The following PXDN variants were observed in gnomAD, a reference collection of about 807,000 sequenced individuals.
PXDN encodes the protein peroxidasin homolog.
In PXDN, 77 loss-of-function variants were observed where a neutral mutation model predicts 140.3. The ratio of observed to expected loss-of-function variants is 0.55; its 90% CI spans 0.46 to 0.66. The LOEUF is 0.66. Ranked by LOEUF, PXDN falls within the 30% of genes least tolerant of loss-of-function variation. PXDN has a pLI of 0.00. For missense variants in PXDN, 1,838 were observed against 2,039.5 expected, an observed-to-expected ratio of 0.90 and a Z score of 1.90; for synonymous variants, 911 against 857.4, an observed-to-expected ratio of 1.06 and a Z score of -1.09.
Position 1,685,509 on chromosome 2 carries a change from C to T in PXDN, c.417-1358G>A, listed in dbSNP as rs1465251557. 3.9e-5 allele frequency among the ~76,000 whole-genome samples: 6 copies of T among 152,084 alleles called. No individual in the cohort carries two copies. The highest frequency in any genetic ancestry group is 1.3e-4 in the Admixed American group (2 of 15,274). On this transcript the variant is annotated intron_variant, in intron 4 of 22. Transcript: ENST00000252804. This position sits in a 1 kb window ranked among gnomAD's most constrained non-coding sequence, Gnocchi z 5.1. ...TGGGGACCGATGTAAGACCCAGGCA[C>T]CACCACGGCACAGTGGCTGTGAGCT...
rs950623111 is a variant in PXDN at position 1,685,346 on chromosome 2, C to T, written c.417-1195G>A. 1.3e-4 allele frequency among the ~76,000 whole-genome samples: 20 copies of T among 152,222 alleles called. No homozygotes were observed. Among genetic ancestry groups the T allele is most frequent in the African/African-American group, 4.6e-4 (19 of 41,462 alleles). Reference sequence around the variant, plus strand: ...GGAAAACCGCCGTGGGCGAGCATGACGGGCGGGCACCTGACGCGCGGGTCC... The same window carrying T: ...GGAAAACCGCCGTGGGCGAGCATGATGGGCGGGCACCTGACGCGCGGGTCC... On this transcript the variant is annotated intron_variant, in intron 4 of 22. Transcript: ENST00000252804. The surrounding 1 kb of genome is among the most constrained non-coding windows in gnomAD (Gnocchi z 5.1).
At position 1,677,035 on chromosome 2, in the gene PXDN, C is replaced by T; in HGVS notation, c.740G>A (p.Arg247Gln). The T allele has an allele frequency of 1.3e-6, 2 of 1,598,952 alleles. No individual in the cohort carries two copies. Among genetic ancestry groups the T allele is most frequent in the Non-Finnish European group, 1.7e-6 (2 of 1,170,122 alleles). ...TPEELNCERP[R>Q]ITSEPQDADV... ...TGCGTCCTGGGGCTCGGAGGTGATC[C>T]GGGGCCTTTCTGTGCCCAACCAGAA... is the stretch of plus-strand genomic sequence containing the variant. Residue 247 changes from arginine to glutamine, a missense_variant, in exon 8 of 23, where the codon CGG becomes CAG. Around this residue, in one of 5 missense-constraint regions of PXDN, gnomAD observed 208 missense variants for 325.8 expected, o/e 0.64. Transcript: ENST00000252804.
intron 3 of PXDN, among the ~76,000 whole-genome samples, chr2:1,688,351 G>A (rs1271745471): frequency 6.6e-6 from 1 of 152,206 alleles, no homozygotes; most frequent in South Asian, 2.1e-4. Context: ...CGCTCACTCC[G>A]CACCATCTGG....
intron 1 of PXDN, among the ~76,000 whole-genome samples, chr2:1,715,582 C>T (rs548204219): frequency 1.4e-4 from 21 of 152,336 alleles, no homozygotes; most frequent in Non-Finnish European, 2.5e-4. Context: ...TCGTCCCCAG[C>T]ATCCCAGAAG....
chr2:1,690,910 AG>A, intron 3 of PXDN, among the ~76,000 whole-genome samples: 1 of 152,222 alleles, frequency 6.6e-6, no homozygotes, highest in Non-Finnish European at 1.5e-5. Flanking sequence ...CAGATTTCAG[AG>A]TATACATCAA....
At chr2:1,653,349 C>A (rs1683056835) in intron 16 of PXDN, 1 of 447,760 alleles carries the variant, frequency 2.2e-6, no homozygotes, top group Admixed American at 3.2e-5. Context: ...CCCACCCTGG[C>A]CAGGATGGCA....
In PXDN at chr2:1,722,108, G is replaced by A. The variant is rs541333948; in HGVS notation, c.200+22148C>T. ...GAGTTAAGCGAGAAATAATGAACCCGAGAGGTGTTGACAATGGATGGGCTG... is the reference window on the plus strand; with the variant it reads ...GAGTTAAGCGAGAAATAATGAACCCAAGAGGTGTTGACAATGGATGGGCTG... On this transcript the variant is annotated intron_variant, in intron 1 of 22. Coordinates refer to ENST00000252804, the MANE Select transcript of PXDN (RefSeq NM_012293.3). 1.2e-4 allele frequency among the ~76,000 whole-genome samples: 18 copies of A among 152,322 alleles called. No individual in the cohort carries two copies. The East Asian group carries it at 1.3e-3, about 11-fold the overall frequency.
At chr2:1,646,760 G>A (rs1411716409) in intron 17 of PXDN, among the ~76,000 whole-genome samples, 1 of 152,086 alleles carries the variant, frequency 6.6e-6, no homozygotes, top group African/African-American at 2.4e-5. Context: ...AAGAAGAAAG[G>A]GTTTTTCTTC....
intron 9 of PXDN, among the ~76,000 whole-genome samples, chr2:1,671,648 C>T (rs574696104): frequency 3.3e-5 from 5 of 152,182 alleles, no homozygotes; most frequent in Non-Finnish European, 7.3e-5. Context: ...TTTTTATATG[C>T]TCCTAATCAC....
chr2:1,739,990 C>T (rs4853837), intron 1 of PXDN, among the ~76,000 whole-genome samples: 69,112 of 152,192 alleles, frequency 0.45, 16,569 homozygotes, highest in Admixed American at 0.6. Flanking sequence ...TCCCAGCAGA[C>T]GCATCTGCAC....
chr2:1,678,629 C>T (rs1275812343), intron 7 of PXDN, among the ~76,000 whole-genome samples: 2 of 152,214 alleles, frequency 1.3e-5, no homozygotes, highest in African/African-American at 4.8e-5. Flanking sequence ...TCAGCGAAAA[C>T]GACAGGGCCT....
chr2:1,651,513 T>C lies in PXDN; in HGVS notation c.2105-1838A>G, dbSNP rs80213909. Among the ~76,000 whole-genome samples the C allele has an allele frequency of 5.3e-5, 8 of 152,296 alleles. No individual in the cohort carries two copies. In the East Asian group the frequency reaches 1.2e-3, roughly 22 times the overall value. ...CATTTCATACACAGCCAACGACATATCCTTATATTCGCTCCCAGGCCCTTT... is the reference window on the plus strand; with the variant it reads ...CATTTCATACACAGCCAACGACATACCCTTATATTCGCTCCCAGGCCCTTT... On this transcript the variant is annotated intron_variant, in intron 16 of 22. Transcript: ENST00000252804. The surrounding 1 kb of genome is among the most constrained non-coding windows in gnomAD (Gnocchi z 4.4).
chr2:1,722,529 T>C (rs1685077257), intron 1 of PXDN, among the ~76,000 whole-genome samples: 1 of 152,252 alleles, frequency 6.6e-6, no homozygotes, highest in Non-Finnish European at 1.5e-5. Context: ...ATTTTCTCAA[T>C]AACCAGTTGA....
rs1683835921 is a variant in PXDN at position 1,679,818 on chromosome 2, AATGGTGTGTGTGTGG to A, written c.730+360_730+374del. Reference sequence around the variant, plus strand: ...GGTGTGTGTAAATGGTGTGTGTGTAAATGGTGTGTGTGTGGATGGTGTGTGTGTGTATGTGCGTGT... The same window carrying A: ...GGTGTGTGTAAATGGTGTGTGTGTAAATGGTGTGTGTGTGTATGTGCGTGT... On this transcript the variant is annotated intron_variant, in intron 7 of 22. Transcript: ENST00000252804. 3.4e-5 allele frequency among the ~76,000 whole-genome samples: 3 copies of A among 89,452 alleles called. No individual in the cohort carries two copies. The Admixed American group carries it at 3.7e-4, about 11-fold the overall frequency. 58.7% of individuals were successfully genotyped at this position (89,452 alleles called of 152,430 possible).
At chr2:1,723,581 G>GATGGATGGATTA (rs974222546) in intron 1 of PXDN, among the ~76,000 whole-genome samples, 3 of 152,146 alleles carry the variant, frequency 2.0e-5, no homozygotes, top group African/African-American at 7.2e-5. Context: ...TGAACGGATG[G>GATGGATGGATTA]ATGGATGGAT....
Position 1,634,191 on chromosome 2 carries a change from G to T in PXDN, c.*13C>A. On this transcript the variant is annotated 3_prime_UTR_variant, in exon 23 of 23. Transcript: ENST00000252804. ...TGGCACAGCAGACAAACTCTGAGGA[G>T]CCTCCCAGGAGCCTAGGGCTTTTCC... 6.4e-7 allele frequency: 1 copy of T among 1,561,886 alleles called. No homozygotes were observed. Among genetic ancestry groups the T allele is most frequent in the Non-Finnish European group, 8.7e-7 (1 of 1,152,428 alleles).
chr2:1,649,138 G>A lies in PXDN; in HGVS notation c.2642C>T (p.Ser881Phe). 1 of 1,612,672 alleles carries A rather than the reference G, an allele frequency of 6.2e-7. No individual in the cohort carries two copies. The highest frequency in any genetic ancestry group is 2.2e-5 in the East Asian group (1 of 44,828). The change falls in exon 17 of 23, where the codon TCC becomes TTC. Residue 881 changes from serine (S) to phenylalanine (F), a missense_variant. This residue lies in a region of PXDN where 850 missense variants were observed against 894.1 expected (regional missense o/e 0.95). Transcript: ENST00000252804. The surrounding 1 kb of genome is among the most constrained non-coding windows in gnomAD (Gnocchi z 7.1). ...CATGCCGCTGCCGCACACAGGGCTG[G>A]AGCGCACGAAGAACATGCAGCGGGC... The part of the protein sequence containing the change: ...SGARCMFFVR[S>F]SPVCGSGMTS...
Position 1,663,638 on chromosome 2 carries a change from T to C in PXDN, c.1534A>G (p.Lys512Glu). Residue 512 changes from lysine to glutamate, a missense_variant, in exon 12 of 23, where the codon AAG (lysine) becomes GAG (glutamate). Transcript: ENST00000252804. ...CQAVNIIGSQ[K>E]VVAHLTVQPR... ...TGCACAGTCAGGTGGGCCACGACCT[T>C]CTGGGAGCCGATGATGTTGACAGCC... 1.2e-6 allele frequency: 2 copies of C among 1,614,046 alleles called. No homozygotes were observed. The highest frequency in any genetic ancestry group is 3.3e-5 in the Admixed American group (2 of 60,030).
In PXDN at chr2:1,643,536, G is replaced by C. The variant is rs748864718; in HGVS notation, c.3784C>G (p.Leu1262Val). ...AGCGACGTCTGCTTGATCTGAGTCAGCTGGGCCGGGGAGAACACCCCAGGG... is the reference window on the plus strand; with the variant it reads ...AGCGACGTCTGCTTGATCTGAGTCACCTGGGCCGGGGAGAACACCCCAGGG... ...ENPGVFSPAQ[L>V]TQIKQTSLAR... Residue 1262 changes from leucine (L) to valine (V), a missense_variant, in exon 19 of 23, where the codon CTG becomes GTG. By Grantham distance (32) the Leu-to-Val change is conservative (BLOSUM62 1). Transcript: ENST00000252804. 1.2e-6 allele frequency: 2 copies of C among 1,613,816 alleles called. No homozygotes were observed. Among genetic ancestry groups the C allele is most frequent in the African/African-American group, 2.7e-5 (2 of 74,908 alleles).
Sources: gnomAD v4.1 joint callset for allele counts (sites outside exome capture counted in the v4.1 genomes callset) on GRCh38, gnomAD v4.1.1 for gene constraint, gnomAD v4.1.1 regional missense constraint, Gnocchi (gnomAD v3.1) non-coding constraint, MANE v1.5 for transcripts, NCBI Gene and HGNC (gene_info 2026-07-23, HGNC 2026-07-21) for gene names.